The following TRIP11 variants were observed in gnomAD, a reference collection of about 807,000 sequenced individuals.
The protein encoded by TRIP11 is thyroid hormone receptor interactor 11, also known as thyroid receptor-interacting protein 11.
Under a neutral mutation model 223.1 loss-of-function variants are expected in TRIP11, and 148 were observed. The ratio of observed to expected loss-of-function variants is 0.66; its 90% CI spans 0.58 to 0.76. The LOEUF (loss-of-function observed/expected upper bound fraction) is 0.76, where lower values mean the gene tolerates loss of function less well. Among genes scored for constraint, TRIP11 ranks in the 30% least tolerant of loss-of-function variants. TRIP11 has a pLI of 0.00. For synonymous variants in TRIP11, 762 were observed against 772.6 expected, an observed-to-expected ratio of 0.99 and a Z score of 0.23; for missense variants, 2,043 against 2,222.0, an observed-to-expected ratio of 0.92 and a Z score of 1.62.
intron 16 of TRIP11, among the ~76,000 whole-genome samples, chr14:91,987,370 T>C (rs143323635): frequency 1.3e-5 from 2 of 152,292 alleles, no homozygotes; most frequent in African/African-American, 4.8e-5. Flanking sequence ...CTTTGGCTTG[T>C]CCTTTGGTCT....
chr14:91,992,388 G>A (rs1311109269), intron 15 of TRIP11, among the ~76,000 whole-genome samples: 1 of 152,102 alleles, frequency 6.6e-6, no homozygotes, highest in African/African-American at 2.4e-5. Context: ...CTTACACTGG[G>A]TGGTGACAGT....
Position 92,003,675 on chromosome 14 carries a change from A to C in TRIP11, c.4301T>G (p.Val1434Gly). ...LSSNENFTNKVNENELLRQAV... is the reference protein window; with the variant it reads ...LSSNENFTNKGNENELLRQAV... The stretch of plus-strand genomic sequence containing the variant: ...CTGCCTCAAAAGTTCGTTTTCATTT[A>C]CTTTGTTAGTGAAATTTTCATTGGA... The change falls in exon 11 of 21, where the codon GTA becomes GGA. Residue 1434 changes from valine (V) to glycine (G), a missense_variant. Transcript: ENST00000267622. The C allele has an allele frequency of 6.2e-7, 1 of 1,614,058 alleles. No individual in the cohort carries two copies. Among genetic ancestry groups the C allele is most frequent in the Non-Finnish European group, 8.5e-7 (1 of 1,180,014 alleles).
intron 16 of TRIP11, chr14:91,977,355 C>T (rs2056478788): frequency 2.9e-6 from 1 of 349,702 alleles, no homozygotes; most frequent in African/African-American, 2.2e-5. Flanking sequence ...AACCCAACAC[C>T]TGTTTTAAGC....
At chr14:92,034,873 A>C (rs1204386043) in intron 1 of TRIP11, among the ~76,000 whole-genome samples, 1 of 152,148 alleles carries the variant, frequency 6.6e-6, no homozygotes, top group Admixed American at 6.5e-5. Context: ...GCCTTAGGGA[A>C]TCCTCCACAC....
Position 91,967,300 on chromosome 14 carries a change from A to C in TRIP11, c.*2373T>G, listed in dbSNP as rs565095813. 5.7e-6 allele frequency: 1 copy of C among 174,072 alleles called. No individual in the cohort carries two copies. The highest frequency in any genetic ancestry group is 6.4e-5 in the Admixed American group (1 of 15,700). The allele number at this position is 174,072 out of a possible 1,614,324, so 10.8% of individuals were successfully genotyped here. Reference sequence around the variant, plus strand: ...ATTATAGGCGCCTGCCACCATGCCCAGCTAATTTTTGTATTTTTAGTAGAG... The same window carrying C: ...ATTATAGGCGCCTGCCACCATGCCCCGCTAATTTTTGTATTTTTAGTAGAG... On this transcript the variant is annotated 3_prime_UTR_variant, in exon 21 of 21. Coordinates refer to ENST00000267622, the MANE Select transcript of TRIP11 (RefSeq NM_004239.4).
At chr14:91,979,450 G>A (rs888271523) in intron 16 of TRIP11, among the ~76,000 whole-genome samples, 3 of 152,102 alleles carry the variant, frequency 2.0e-5, no homozygotes, top group African/African-American at 7.2e-5. Flanking sequence ...CTTTCTTGAT[G>A]AAAACTTACT....
In TRIP11 at chr14:92,018,167, T is replaced by G. The variant is rs935689518; in HGVS notation, c.589-417A>C. ...TGGAATGCAGTGGTGTGATCATGGC[T>G]CACTGCAGCCTCCACCTCCTGGGTT... On this transcript the variant is annotated intron_variant, in intron 4 of 20. Transcript: ENST00000267622. Among the ~76,000 whole-genome samples, 6 of 151,570 alleles carry G rather than the reference T, an allele frequency of 4.0e-5. No homozygotes were observed. The East Asian group carries it at 1.2e-3, about 29-fold the overall frequency.
rs2056343650 is a variant in TRIP11, at chr14:91,966,513, CAT to C, written c.*3158_*3159del. ...CTCATCACTCTACTGTCCCTGAAGA[CAT>C]AGCTTTTCCCCCCATTGATTGGATA... is the stretch of plus-strand genomic sequence containing the variant. On this transcript the variant is annotated 3_prime_UTR_variant, in exon 21 of 21. Coordinates refer to ENST00000267622, the MANE Select transcript of TRIP11 (RefSeq NM_004239.4). 5.1e-6 allele frequency: 1 copy of C among 197,570 alleles called. No individual in the cohort carries two copies. The highest frequency in any genetic ancestry group is 1.0e-5 in the Non-Finnish European group (1 of 95,408). 12.2% of individuals were successfully genotyped at this position (197,570 alleles called of 1,614,324 possible).
At chr14:92,021,469 G>C in intron 4 of TRIP11, 87 bp downstream of exon 4, 3 of 1,322,236 alleles carry the variant, frequency 2.3e-6, no homozygotes, top group African/African-American at 1.5e-5. Context: ...GGTTCTTTCT[G>C]ATATCAAAAG....
At chr14:92,023,578 A>C (rs992816542) in intron 3 of TRIP11, among the ~76,000 whole-genome samples, 2 of 152,204 alleles carry the variant, frequency 1.3e-5, no homozygotes, top group African/African-American at 4.8e-5. Flanking sequence ...AGGAATGCTC[A>C]ACCTGCACCA....
Position 92,005,904 on chromosome 14 carries a change from T to C in TRIP11, c.2072A>G (p.His691Arg), listed in dbSNP as rs1440381178. 1 of 1,614,034 alleles carries C rather than the reference T, an allele frequency of 6.2e-7. No individual in the cohort carries two copies. Among genetic ancestry groups the C allele is most frequent in the South Asian group, 1.1e-5 (1 of 91,082 alleles). The change falls in exon 11 of 21, where the codon CAT (histidine) becomes CGT (arginine). Residue 691 changes from histidine (H) to arginine (R), a missense_variant. By Grantham distance (29) the His-to-Arg change is conservative (BLOSUM62 0). Coordinates refer to ENST00000267622, the MANE Select transcript of TRIP11 (RefSeq NM_004239.4). ...ACCAGCAAGACATTCTTCTAACTGATGCCTCACATCTTCACATGCTAAAAC... is the reference window on the plus strand; with the variant it reads ...ACCAGCAAGACATTCTTCTAACTGACGCCTCACATCTTCACATGCTAAAAC... ...KLVLACEDVR[H>R]QLEECLAGNN...
At chr14:91,989,136 A>G (rs1348096830) in intron 15 of TRIP11, among the ~76,000 whole-genome samples, 2 of 152,216 alleles carry the variant, frequency 1.3e-5, no homozygotes, top group African/African-American at 4.8e-5. Flanking sequence ...GTAGTCTTCC[A>G]GATTTTATTA....
At chr14:92,017,954 T>C (rs772074524) in intron 4 of TRIP11, among the ~76,000 whole-genome samples, 10 of 152,204 alleles carry the variant, frequency 6.6e-5, no homozygotes, top group Non-Finnish European at 1.5e-4. Context: ...TTTAAGAATG[T>C]ATTAACTAAT....
At chr14:92,008,114 GTTC>G (rs2056928009) in intron 9 of TRIP11, among the ~76,000 whole-genome samples, 1 of 152,106 alleles carries the variant, frequency 6.6e-6, no homozygotes, top group Non-Finnish European at 1.5e-5. Context: ...CTAGCACCAA[GTTC>G]TTCTTTATAA....
chr14:92,006,778 C>A (rs2056909409), intron 10 of TRIP11, among the ~76,000 whole-genome samples: 1 of 151,948 alleles, frequency 6.6e-6, no homozygotes, highest in South Asian at 2.1e-4. Flanking sequence ...AAGCAATTCT[C>A]CTGCCTCAAC....
intron 2 of TRIP11, 76 bp downstream of exon 2, chr14:92,033,116 A>G: frequency 8.9e-7 from 1 of 1,121,344 alleles, no homozygotes; most frequent in South Asian, 1.3e-5. Context: ...TTTAAAAAGA[A>G]AGGATCAAAG....
intron 6 of TRIP11, 107 bp from the exon 7 acceptor site, chr14:92,014,684 T>A: frequency 8.0e-7 from 1 of 1,248,506 alleles, no homozygotes. Flanking sequence ...TTGGAAAGCT[T>A]AAAAGTTAAA....
Position 92,006,339 on chromosome 14 carries a change from A to C in TRIP11, c.1637T>G (p.Leu546Arg). 1 of 1,611,126 alleles carries C rather than the reference A, an allele frequency of 6.2e-7. No homozygotes were observed. The highest frequency in any genetic ancestry group is 8.5e-7 in the Non-Finnish European group (1 of 1,178,872). Residue 546 changes from leucine to arginine, a missense_variant, in exon 11 of 21, where the codon CTT becomes CGT. Transcript: ENST00000267622. Reference sequence around the variant, plus strand: ...AGTAATGTCCATTTTATCATCTTCAAGTTGATGAACTCTCTTTTTTTCATC... The same window carrying C: ...AGTAATGTCCATTTTATCATCTTCACGTTGATGAACTCTCTTTTTTTCATC... The part of the protein sequence containing the change: ...LNDEKKRVHQ[L>R]EDDKMDITKE...
At chr14:92,018,960 C>CA (rs567152333) in intron 4 of TRIP11, among the ~76,000 whole-genome samples, 2,471 of 70,480 alleles carry the variant, frequency 0.035, 110 homozygotes, top group South Asian at 0.14. Context: ...GACTCCATCT[C>CA]AAAAAAAAAA....
Sources: allele counts gnomAD v4.1 joint callset (sites outside exome capture counted in the v4.1 genomes callset), GRCh38; gene constraint gnomAD v4.1.1; transcripts MANE v1.5; gene names NCBI Gene and HGNC (gene_info 2026-07-23, HGNC 2026-07-21).